The following PTPRE variants were observed in gnomAD, a reference collection of about 807,000 sequenced individuals.
PTPRE encodes receptor-type tyrosine-protein phosphatase epsilon.
A neutral mutation model predicts 102.0 loss-of-function variants in PTPRE; 51 were observed. That is an observed-to-expected ratio of 0.50 (90% CI 0.40 to 0.63). PTPRE has a LOEUF of 0.63. Among genes scored for constraint, PTPRE ranks in the 30% least tolerant of loss-of-function variants. The pLI, the probability that PTPRE is intolerant of heterozygous loss-of-function variation, is 0.00. For synonymous variants in PTPRE, 345 were observed against 348.2 expected (o/e 0.99, Z 0.10); for missense variants, 752 against 915.1 (o/e 0.82, Z 2.30).
chr10:128,063,940 T>C (rs1171322632), intron 10 of PTPRE, among the ~76,000 whole-genome samples: 6 of 152,022 alleles, frequency 3.9e-5, no homozygotes. Context: ...TTACCACAGG[T>C]GGGGCGAAGT....
intron 1 of PTPRE, among the ~76,000 whole-genome samples, chr10:127,953,655 T>C (rs1849201512): frequency 6.6e-6 from 1 of 152,236 alleles, no homozygotes; most frequent in Non-Finnish European, 1.5e-5. Context: ...GCCTTCTCTC[T>C]CTTGCCTGCA....
At position 128,070,135 on chromosome 10, in the gene PTPRE, T is replaced by G; in HGVS notation, c.1144-166T>G. 3.7e-6 allele frequency: 3 copies of G among 811,842 alleles called. No individual in the cohort carries two copies. The highest frequency in any genetic ancestry group is 3.7e-4 in the Middle Eastern group (1 of 2,670). The allele number at this position is 811,842 out of a possible 1,614,324, so 50.3% of individuals were successfully genotyped here. A position where few individuals can be genotyped will look rare whatever the true frequency, so the allele number is the denominator to read the frequency against. ...CTACCGTTCTCCTTACTCAAGGGCA[T>G]AAATGGTCGTTATCCGTGGCCGGTA... On this transcript the variant is annotated intron_variant, in intron 13 of 20. Coordinates refer to ENST00000254667, the MANE Select transcript of PTPRE (RefSeq NM_006504.6). This position sits in a 1 kb window ranked among gnomAD's most constrained non-coding sequence, Gnocchi z 4.8.
chr10:127,943,625 T>A (rs1352972016), intron 1 of PTPRE, among the ~76,000 whole-genome samples: 2 of 152,222 alleles, frequency 1.3e-5, no homozygotes, highest in Admixed American at 1.3e-4. Context: ...CTGCCTGGAA[T>A]GCGCAGGAGG....
At chr10:128,042,521 G>A (rs181100743) in intron 3 of PTPRE, among the ~76,000 whole-genome samples, 150 of 152,298 alleles carry the variant, frequency 9.8e-4, no homozygotes, top group Non-Finnish European at 1.7e-3. Context: ...GGGCCTCTGC[G>A]TGCTTAGCAA....
At chr10:127,928,718 T>C (rs1847207641) in intron 1 of PTPRE, among the ~76,000 whole-genome samples, 1 of 152,256 alleles carries the variant, frequency 6.6e-6, no homozygotes, top group South Asian at 2.1e-4. Flanking sequence ...TGGAAATTTA[T>C]ATCTACCTTC....
intron 10 of PTPRE, among the ~76,000 whole-genome samples, chr10:128,063,414 C>CT (rs921825625): frequency 2.6e-5 from 4 of 152,172 alleles, no homozygotes; most frequent in Non-Finnish European, 4.4e-5. Flanking sequence ...CAAGAGTTTC[C>CT]TTTTTTTCCC....
At chr10:128,078,466 C>T (rs569150396) in intron 19 of PTPRE, among the ~76,000 whole-genome samples, 31 of 152,346 alleles carry the variant, frequency 2.0e-4, no homozygotes, top group Middle Eastern at 3.4e-3. Flanking sequence ...CCTCGACACC[C>T]GGCAAGGTTC....
chr10:128,033,391 C>T (rs2135754248), intron 2 of PTPRE, among the ~76,000 whole-genome samples: 1 of 152,324 alleles, frequency 6.6e-6, no homozygotes, highest in East Asian at 1.9e-4. Flanking sequence ...CAAAATCAGT[C>T]CATTCCCATA....
intron 1 of PTPRE, chr10:127,934,040 A>G (rs1191385018): frequency 8.6e-6 from 1 of 116,954 alleles, no homozygotes; most frequent in African/African-American, 3.3e-5. Context: ...ACACACACAC[A>G]CACACACACA....
At chr10:127,999,405 C>A in intron 2 of PTPRE, 1 of 321,248 alleles carries the variant, frequency 3.1e-6, no homozygotes, top group Non-Finnish European at 4.5e-6. Context: ...TAAATGTGAA[C>A]CACGGGGGGA....
At chr10:127,948,669 C>A (rs570995675) in intron 1 of PTPRE, among the ~76,000 whole-genome samples, 4 of 152,286 alleles carry the variant, frequency 2.6e-5, no homozygotes, top group Non-Finnish European at 5.9e-5. Context: ...TCTTCCCAGG[C>A]TTTTCATGAG....
chr10:128,028,606 G>A lies in PTPRE; in HGVS notation c.-7-12269G>A, dbSNP rs1295594707. On this transcript the variant is annotated intron_variant, in intron 2 of 20. Transcript: ENST00000254667. The surrounding 1 kb of genome is among the most constrained non-coding windows in gnomAD (Gnocchi z 4.5). Reference sequence around the variant, plus strand: ...CTGGCCCTCAGCGCCCAGCAGAAGCGGCAGCCCCATCTGTCCCCGAGACCC... The same window carrying A: ...CTGGCCCTCAGCGCCCAGCAGAAGCAGCAGCCCCATCTGTCCCCGAGACCC... 2.6e-5 allele frequency among the ~76,000 whole-genome samples: 4 copies of A among 152,066 alleles called. No individual in the cohort carries two copies. The highest frequency in any genetic ancestry group is 6.5e-5 in the Admixed American group (1 of 15,282).
At chr10:127,958,734 T>C (rs1792478775) in intron 1 of PTPRE, among the ~76,000 whole-genome samples, 1 of 152,212 alleles carries the variant, frequency 6.6e-6, no homozygotes, top group Non-Finnish European at 1.5e-5. Flanking sequence ...CCTATGCTTC[T>C]ATCTTTTGGA....
chr10:127,957,384 TA>T (rs1166498026), intron 1 of PTPRE, among the ~76,000 whole-genome samples: 2 of 152,332 alleles, frequency 1.3e-5, no homozygotes, highest in African/African-American at 4.8e-5. Context: ...TAGTTGACCA[TA>T]TTTATGTGGG....
At chr10:128,025,323 A>G (rs1028176742) in intron 2 of PTPRE, among the ~76,000 whole-genome samples, 3 of 152,158 alleles carry the variant, frequency 2.0e-5, no homozygotes, top group African/African-American at 7.2e-5. Context: ...GTAACTCCCC[A>G]GTGAGGACCC....
At chr10:127,990,658 C>T (rs895133717) in intron 2 of PTPRE, among the ~76,000 whole-genome samples, 6 of 152,120 alleles carry the variant, frequency 3.9e-5, no homozygotes, top group African/African-American at 1.2e-4. Flanking sequence ...GGACCAGCCG[C>T]ACTCATCCCC....
intron 1 of PTPRE, among the ~76,000 whole-genome samples, chr10:127,912,621 G>T (rs532988365): frequency 6.6e-6 from 1 of 152,360 alleles, no homozygotes; most frequent in African/African-American, 2.4e-5. Context: ...GTAAAGAATT[G>T]ATAGGAAAAC....
intron 3 of PTPRE, among the ~76,000 whole-genome samples, chr10:128,046,886 C>A (rs1276299896): frequency 1.3e-5 from 2 of 152,194 alleles, no homozygotes; most frequent in African/African-American, 4.8e-5. Context: ...GGAATCGGGA[C>A]CTGGAGGCTC....
At chr10:127,975,192 G>A (rs1039283645) in intron 1 of PTPRE, among the ~76,000 whole-genome samples, 5 of 152,254 alleles carry the variant, frequency 3.3e-5, no homozygotes, top group African/African-American at 7.2e-5. Context: ...TTGGAGCCCC[G>A]TGAGACACGG....
Sources: allele counts gnomAD v4.1 joint callset (sites outside exome capture counted in the v4.1 genomes callset), GRCh38; gene constraint gnomAD v4.1.1; non-coding constraint Gnocchi (gnomAD v3.1); transcripts MANE v1.5; gene names NCBI Gene and HGNC (gene_info 2026-07-23, HGNC 2026-07-21).